TYW1B: variants seen among roughly 807,000 people sequenced by gnomAD.
The protein encoded by TYW1B is tRNA-yW synthesizing protein 1 homolog B.
TYW1B carries 73 observed loss-of-function variants against 86.9 expected under a neutral mutation model. The ratio of observed to expected loss-of-function variants is 0.84; its 90% confidence interval spans 0.70 to 1.02. The LOEUF is 1.02. Among genes scored for constraint, TYW1B ranks in the 50% least tolerant of loss-of-function variants. TYW1B has a pLI of 0.00. For missense variants in TYW1B, 637 were observed against 827.4 expected (o/e 0.77, Z 2.82); for synonymous variants, 248 against 292.8 (o/e 0.85, Z 1.56).
intron 13 of TYW1B, among the ~76,000 whole-genome samples, chr7:72,580,581 G>A (rs868977697): frequency 4.6e-5 from 7 of 152,104 alleles, no homozygotes; most frequent in Admixed American, 1.3e-4. Flanking sequence ...GGCAATGCAG[G>A]CTCCCACTCT....
chr7:72,607,504 G>A (rs1336353739), intron 13 of TYW1B, among the ~76,000 whole-genome samples: 1 of 150,352 alleles, frequency 6.7e-6, no homozygotes, highest in Non-Finnish European at 1.5e-5. Flanking sequence ...GAGGAAGGAA[G>A]GAAGGAAGGA....
chr7:72,720,856 G>A (rs1236004331), intron 9 of TYW1B, among the ~76,000 whole-genome samples: 3 of 151,810 alleles, frequency 2.0e-5, no homozygotes, highest in African/African-American at 4.8e-5. Context: ...CCGTTAACTC[G>A]TCATTTACAT....
At chr7:72,632,385 T>TAC (rs1812536141) in intron 11 of TYW1B, among the ~76,000 whole-genome samples, 6 of 114,806 alleles carry the variant, frequency 5.2e-5, no homozygotes, top group African/African-American at 2.4e-4. Context: ...ATTATATATA[T>TAC]ACGTATATAT....
intron 13 of TYW1B, among the ~76,000 whole-genome samples, chr7:72,576,648 G>C (rs1811029102): frequency 6.6e-6 from 1 of 151,978 alleles, no homozygotes; most frequent in Admixed American, 6.6e-5. Context: ...GAGTAGCTGG[G>C]ACTCTTGGCT....
At chr7:72,629,185 T>C (rs1812425552) in intron 11 of TYW1B, among the ~76,000 whole-genome samples, 188 bp from the exon 12 acceptor site, 4 of 152,230 alleles carry the variant, frequency 2.6e-5, no homozygotes, top group Admixed American at 2.6e-4. Context: ...CTAACATGCC[T>C]TATGGAAGGC....
intron 12 of TYW1B, among the ~76,000 whole-genome samples, chr7:72,623,269 G>A (rs543011994): frequency 1.3e-5 from 2 of 152,074 alleles, no homozygotes; most frequent in Admixed American, 6.6e-5. Flanking sequence ...AAATACAAAG[G>A]GTATGAACAG....
intron 6 of TYW1B, among the ~76,000 whole-genome samples, chr7:72,798,374 G>C (rs1554474965): frequency 2.0e-5 from 3 of 151,504 alleles, no homozygotes; most frequent in Admixed American, 1.3e-4. Flanking sequence ...CTGGGCGACA[G>C]AGCAAGACTC....
At chr7:72,744,402 G>GT (rs1333814667) in intron 8 of TYW1B, 82 bp downstream of exon 8, 1 of 1,363,626 alleles carries the variant, frequency 7.3e-7, no homozygotes, top group South Asian at 1.2e-5. Context: ...GAGCTCTTGG[G>GT]TAAGTCTGAG....
chr7:72,728,766 T>C, intron 9 of TYW1B, 56 bp downstream of exon 9: 19 of 1,521,444 alleles, frequency 1.2e-5, no homozygotes, highest in Non-Finnish European at 1.6e-5. Flanking sequence ...CTTCTGCCAA[T>C]CTGATTCAGA....
chr7:72,669,296 C>T (rs1337928265), intron 11 of TYW1B, among the ~76,000 whole-genome samples: 1 of 151,790 alleles, frequency 6.6e-6, no homozygotes, highest in Non-Finnish European at 1.5e-5. Flanking sequence ...AGGCGCCTGC[C>T]ACCACGCCCG....
At chr7:72,807,883 T>C (rs1788527201) in intron 4 of TYW1B, among the ~76,000 whole-genome samples, 1 of 152,148 alleles carries the variant, frequency 6.6e-6, no homozygotes, top group Non-Finnish European at 1.5e-5. Context: ...CTTAATAAGC[T>C]TCCTGAGTGG....
At chr7:72,672,020 TG>T (rs1264214507) in intron 11 of TYW1B, among the ~76,000 whole-genome samples, 1 of 129,002 alleles carries the variant, frequency 7.8e-6, no homozygotes, top group East Asian at 2.2e-4. Flanking sequence ...ATTCCCACGT[TG>T]TGGGGGGACC....
At chr7:72,642,381 T>G (rs1372318845) in intron 11 of TYW1B, among the ~76,000 whole-genome samples, 1 of 152,170 alleles carries the variant, frequency 6.6e-6, no homozygotes, top group African/African-American at 2.4e-5. Flanking sequence ...GTGCTTCAAG[T>G]TGGCAGCTCC....
chr7:72,713,136 T>TA (rs11335165), intron 10 of TYW1B, among the ~76,000 whole-genome samples: 77,159 of 141,404 alleles, frequency 0.55, 22,397 homozygotes, highest in Non-Finnish European at 0.67. Flanking sequence ...CCATCTCTAT[T>TA]AAAAAAAAAA....
chr7:72,758,473 ATT>A (rs1787632069), intron 7 of TYW1B, among the ~76,000 whole-genome samples: 1 of 151,188 alleles, frequency 6.6e-6, no homozygotes, highest in African/African-American at 2.4e-5. Context: ...TTAGAAAAAA[ATT>A]TTTCTCTCTC....
chr7:72,822,791 G>C (rs1475439189), intron 2 of TYW1B: 1 of 152,236 alleles, frequency 6.6e-6, no homozygotes, highest in Non-Finnish European at 1.5e-5. Flanking sequence ...CAGGAGTCAA[G>C]ACCAGCCTGG....
At chr7:72,639,344 T>C (rs1385553825) in intron 11 of TYW1B, among the ~76,000 whole-genome samples, 1 of 152,008 alleles carries the variant, frequency 6.6e-6, no homozygotes, top group Non-Finnish European at 1.5e-5. Context: ...TTTTTTTACT[T>C]TTTGTAGAGA....
intron 8 of TYW1B, among the ~76,000 whole-genome samples, chr7:72,738,704 G>A (rs1287985089): frequency 6.6e-6 from 1 of 152,106 alleles, no homozygotes; most frequent in African/African-American, 2.4e-5. Flanking sequence ...TTAACAGGAT[G>A]ACCTAAGAGA....
intron 9 of TYW1B, among the ~76,000 whole-genome samples, chr7:72,719,310 G>A (rs1291577674): frequency 1.3e-5 from 2 of 151,886 alleles, no homozygotes; most frequent in African/African-American, 4.8e-5. Context: ...ACCACACTTG[G>A]CTAATTTTTT....
Sources: allele counts gnomAD v4.1 joint callset (sites outside exome capture counted in the v4.1 genomes callset), GRCh38; gene constraint gnomAD v4.1.1; transcripts MANE v1.5; gene names NCBI Gene and HGNC (gene_info 2026-07-23, HGNC 2026-07-21).